The following CDH4 variants were observed in gnomAD, a reference collection of about 807,000 sequenced individuals.
The protein encoded by CDH4 is cadherin-4.
Under a neutral mutation model 86.0 loss-of-function variants are expected in CDH4, and 33 were observed. That is an observed-to-expected ratio of 0.38 (90% CI 0.29 to 0.51). The LOEUF is 0.51. CDH4 is among the 20% of genes least tolerant of loss of function. CDH4 has a pLI of 0.86. For synonymous variants in CDH4, 555 were observed against 549.4 expected, an observed-to-expected ratio of 1.01 and a Z score of -0.14; for missense variants, 1,114 against 1,307.4, an observed-to-expected ratio of 0.85 and a Z score of 2.28.
intron 2 of CDH4, among the ~76,000 whole-genome samples, chr20:61,296,406 T>A (rs1235382806): frequency 6.6e-6 from 1 of 151,832 alleles, no homozygotes; most frequent in Non-Finnish European, 1.5e-5. Flanking sequence ...GGGCCATGCT[T>A]GCACAGAATA....
At chr20:61,619,135 G>C (rs1250237723) in intron 2 of CDH4, among the ~76,000 whole-genome samples, 1 of 152,210 alleles carries the variant, frequency 6.6e-6, no homozygotes, top group African/African-American at 2.4e-5. Flanking sequence ...GCAGGTCTCA[G>C]ACATTGCCAC....
At chr20:61,860,762 C>A (rs757765818) in intron 6 of CDH4, among the ~76,000 whole-genome samples, 1 of 152,216 alleles carries the variant, frequency 6.6e-6, no homozygotes, top group Non-Finnish European at 1.5e-5. Context: ...CAAGCCACAG[C>A]TGGTTTCCCC....
In CDH4 at chr20:61,769,303, T is replaced by A. The variant is rs74595796; in HGVS notation, c.397-3700T>A. The stretch of plus-strand genomic sequence containing the variant: ...CTTAGGTGAGACCTAGGAACCTGCA[T>A]TCCTAATGAGCTCCACAGGGCACTG... On this transcript the variant is annotated intron_variant, in intron 3 of 15. Transcript: ENST00000614565. Among the ~76,000 whole-genome samples, 1,016 of 152,288 alleles carry A rather than the reference T, an allele frequency of 6.7e-3. 13 individuals carry two copies. Among genetic ancestry groups the A allele is most frequent in the African/African-American group, 0.024 (977 of 41,570 alleles).
intron 2 of CDH4, among the ~76,000 whole-genome samples, chr20:61,407,926 C>T (rs182779123): frequency 3.9e-4 from 59 of 152,310 alleles, no homozygotes; most frequent in Admixed American, 7.8e-4. Context: ...TCTTAGCTCC[C>T]TATTGCTGCC....
intron 2 of CDH4, among the ~76,000 whole-genome samples, chr20:61,483,820 C>G (rs74969373): frequency 0.035 from 5,324 of 152,222 alleles, 131 homozygotes; most frequent in South Asian, 0.071. Flanking sequence ...TGAGCTCCGT[C>G]GAAATTGCTG....
chr20:61,473,203 T>C (rs1390148840), intron 2 of CDH4, among the ~76,000 whole-genome samples: 4 of 152,250 alleles, frequency 2.6e-5, no homozygotes, highest in African/African-American at 9.6e-5. Context: ...TTAGCATAGA[T>C]AAGAATAAGG....
chr20:61,926,182 G>A (rs1012735124), intron 11 of CDH4, among the ~76,000 whole-genome samples: 1 of 152,202 alleles, frequency 6.6e-6, no homozygotes, highest in Non-Finnish European at 1.5e-5. Context: ...AGTGACCAGG[G>A]GCTCCGCTCT....
rs186332194 is a variant in CDH4 at position 61,269,674 on chromosome 20, C to T, written c.169+14737C>T. Among the ~76,000 whole-genome samples the T allele has an allele frequency of 4.3e-3, 660 of 152,232 alleles. 6 individuals are homozygous for T. The highest frequency in any genetic ancestry group is 0.015 in the African/African-American group (623 of 41,540). On this transcript the variant is annotated intron_variant, in intron 2 of 15. Coordinates refer to ENST00000614565, the MANE Select transcript of CDH4 (RefSeq NM_001794.5). This position sits in a 1 kb window ranked among gnomAD's most constrained non-coding sequence, Gnocchi z 5.3. The stretch of plus-strand genomic sequence containing the variant: ...ATCAGGCCCTGCTCCGCCAAGCAGA[C>T]CCCAGTCCTGCCAGAGCTGCCCTCC...
intron 6 of CDH4, among the ~76,000 whole-genome samples, chr20:61,871,738 G>A (rs983695935): frequency 7.0e-4 from 107 of 152,296 alleles, no homozygotes; most frequent in African/African-American, 2.5e-3. Flanking sequence ...GCTGATGGTC[G>A]CCAGGCCACG....
Position 61,556,868 on chromosome 20 carries a change from A to G in CDH4, c.170-186695A>G, listed in dbSNP as rs551508600. On this transcript the variant is annotated intron_variant, in intron 2 of 15. Coordinates refer to ENST00000614565, the MANE Select transcript of CDH4 (RefSeq NM_001794.5). ...CGTCCTCCGACCACAACTCCGGGGC[A>G]ACAACACCGAGAACACGTGAGGCGC... Among the ~76,000 whole-genome samples the G allele has an allele frequency of 2.6e-5, 4 of 152,180 alleles. No individual in the cohort carries two copies. In the East Asian group the frequency reaches 7.8e-4, roughly 30 times the overall value.
At chr20:61,457,861 T>G (rs1295823121) in intron 2 of CDH4, among the ~76,000 whole-genome samples, 1 of 149,018 alleles carries the variant, frequency 6.7e-6, no homozygotes. Flanking sequence ...CTGGTGGTGG[T>G]GGTGATGGTG....
At chr20:61,333,115 A>C (rs1026841935) in intron 2 of CDH4, among the ~76,000 whole-genome samples, 2 of 152,196 alleles carry the variant, frequency 1.3e-5, no homozygotes, top group Non-Finnish European at 2.9e-5. Context: ...TGGCCTTTTG[A>C]GAGCAGGGAA....
chr20:61,906,025 G>A (rs115800754), intron 8 of CDH4, among the ~76,000 whole-genome samples: 1,874 of 152,298 alleles, frequency 0.012, 33 homozygotes, highest in African/African-American at 0.037. Flanking sequence ...TGCGAATGGC[G>A]GCTCCCAACC....
At chr20:61,686,848 G>A (rs943822783) in intron 2 of CDH4, among the ~76,000 whole-genome samples, 1 of 152,198 alleles carries the variant, frequency 6.6e-6, no homozygotes, top group Admixed American at 6.5e-5. Flanking sequence ...TAGGTTTTGT[G>A]CTAGGGATTG....
At chr20:61,712,038 G>A (rs548792820) in intron 2 of CDH4, among the ~76,000 whole-genome samples, 1 of 151,704 alleles carries the variant, frequency 6.6e-6, no homozygotes, top group East Asian at 1.9e-4. Context: ...GCCTTGGCCA[G>A]GAGAGAGGGA....
intron 2 of CDH4, among the ~76,000 whole-genome samples, chr20:61,351,117 C>G (rs2084709576): frequency 6.6e-6 from 1 of 152,188 alleles, no homozygotes; most frequent in Admixed American, 6.5e-5. Context: ...CTGCTGTCCT[C>G]CGTGCTTTCA....
At chr20:61,800,271 C>T (rs1033135408) in intron 4 of CDH4, among the ~76,000 whole-genome samples, 4 of 152,204 alleles carry the variant, frequency 2.6e-5, no homozygotes, top group Non-Finnish European at 5.9e-5. Context: ...GGAAGCTGCC[C>T]GGCCGCCAGG....
intron 2 of CDH4, chr20:61,719,486 G>T: frequency 9.6e-6 from 2 of 207,518 alleles, no homozygotes; most frequent in South Asian, 1.8e-4. Flanking sequence ...ACCTTCGCTG[G>T]CTTTTCTTCC....
chr20:61,361,506 T>C (rs549204704), intron 2 of CDH4, among the ~76,000 whole-genome samples: 1 of 152,242 alleles, frequency 6.6e-6, no homozygotes, highest in East Asian at 1.9e-4. Flanking sequence ...ACCAGACACT[T>C]TCCTTGGACC....
Sources: allele counts gnomAD v4.1 joint callset (sites outside exome capture counted in the v4.1 genomes callset), GRCh38; gene constraint gnomAD v4.1.1; non-coding constraint Gnocchi (gnomAD v3.1); transcripts MANE v1.5; gene names NCBI Gene and HGNC (gene_info 2026-07-23, HGNC 2026-07-21).